HGSNAT: variants seen among roughly 807,000 people sequenced by gnomAD.
The protein encoded by HGSNAT is transmembrane protein 76.
In HGSNAT, 59 loss-of-function variants were observed where a neutral mutation model predicts 85.2. That is an observed-to-expected ratio of 0.69 (90% CI 0.56 to 0.86). The LOEUF is 0.86. Among genes scored for constraint, HGSNAT ranks in the 40% least tolerant of loss-of-function variants. HGSNAT has a pLI of 0.00. For missense variants in HGSNAT, 756 were observed against 777.1 expected, an observed-to-expected ratio of 0.97 and a Z score of 0.32; for synonymous variants, 321 against 304.5, an observed-to-expected ratio of 1.05 and a Z score of -0.56.
rs1803655103 is a variant in HGSNAT at position 43,172,369 on chromosome 8, A to G, written c.803A>G (p.Lys268Arg). ...NYGGGKYWYF[K>R]HASWNGLTVA... ...GGAGGAGGAAAATATTGGTACTTCA[A>G]ACATGCAAGTTGGAATGGTAAGATA... Residue 268 changes from lysine (K) to arginine (R), a missense_variant, in exon 8 of 18, where the codon AAA (lysine) becomes AGA (arginine). By Grantham distance (26) the Lys-to-Arg change is conservative. Coordinates refer to ENST00000379644, the MANE Select transcript of HGSNAT (RefSeq NM_152419.3). The G allele has an allele frequency of 6.2e-7, 1 of 1,607,528 alleles. No homozygotes were observed. Among genetic ancestry groups the G allele is most frequent in the African/African-American group, 1.3e-5 (1 of 74,778 alleles).
At position 43,170,701 on chromosome 8, in the gene HGSNAT, G is replaced by A. The variant is rs750677179; in HGVS notation, c.743+7G>A. 6.4e-7 allele frequency: 1 copy of A among 1,574,286 alleles called. No homozygotes were observed. The highest frequency in any genetic ancestry group is 1.3e-5 in the African/African-American group (1 of 74,138). ...GCGTGGACACCTTCAGGGGGTATGT[G>A]GGCCTCCCTGTAGCACAGTGGGTGC... On this transcript the variant is annotated splice_region_variant and intron_variant, in intron 7 of 17. Coordinates refer to ENST00000379644, the MANE Select transcript of HGSNAT (RefSeq NM_152419.3).
intron 1 of HGSNAT, among the ~76,000 whole-genome samples, chr8:43,140,826 G>T (rs947468924): frequency 5.3e-5 from 8 of 152,070 alleles, no homozygotes; most frequent in Non-Finnish European, 8.8e-5. Context: ...GGAGGCGGGG[G>T]AGGGGGCGGT....
chr8:43,145,311 A>AT (rs1802677335), intron 1 of HGSNAT, among the ~76,000 whole-genome samples: 1 of 152,218 alleles, frequency 6.6e-6, no homozygotes, highest in African/African-American at 2.4e-5. Flanking sequence ...GCCAAAAAAA[A>AT]GCATTCTTTA....
chr8:43,144,612 A>T (rs1802656435), intron 1 of HGSNAT, among the ~76,000 whole-genome samples: 1 of 152,186 alleles, frequency 6.6e-6, no homozygotes, highest in South Asian at 2.1e-4. Flanking sequence ...GGTCCCAAAC[A>T]TCGCTTCCAC....
chr8:43,166,089 G>T (rs554110938), intron 5 of HGSNAT, among the ~76,000 whole-genome samples: 1 of 152,344 alleles, frequency 6.6e-6, no homozygotes, highest in South Asian at 2.1e-4. Flanking sequence ...TAGAGACTAA[G>T]AGAAGTGAGG....
intron 2 of HGSNAT, 100 bp downstream of exon 2, chr8:43,147,163 T>A (rs1254906271): frequency 7.4e-6 from 5 of 679,928 alleles, no homozygotes; most frequent in Non-Finnish European, 1.2e-5. Context: ...TAATTTCAGT[T>A]TTGCAGCTAA....
chr8:43,146,655 T>C (rs1037246027), intron 1 of HGSNAT, among the ~76,000 whole-genome samples: 2 of 152,218 alleles, frequency 1.3e-5, no homozygotes, highest in East Asian at 3.8e-4. Context: ...CACGATCCTT[T>C]GATGCACTAG....
intron 11 of HGSNAT, among the ~76,000 whole-genome samples, chr8:43,188,047 C>T (rs1586746504): frequency 6.6e-6 from 1 of 152,130 alleles, no homozygotes; most frequent in Admixed American, 6.6e-5. Context: ...TATGGGTAAC[C>T]TGACCTTTCT....
intron 6 of HGSNAT, 112 bp from the exon 7 acceptor site, chr8:43,170,473 C>G: frequency 3.0e-6 from 3 of 986,472 alleles, no homozygotes; most frequent in Non-Finnish European, 4.6e-6. Context: ...GAGCGAGACT[C>G]TGTCTCAAAA....
intron 15 of HGSNAT, chr8:43,197,464 A>C: frequency 3.4e-6 from 2 of 588,656 alleles, no homozygotes; most frequent in Non-Finnish European, 6.0e-6. Flanking sequence ...ACCCTCTTCA[A>C]CTCAGTAGAA....
Position 43,150,335 on chromosome 8 carries a change from A to G in HGSNAT, c.234+3272A>G, listed in dbSNP as rs545322138. ...GTATCTTTAAAATATTGCTAAAAAAAGAAGACTGAGCCCTGCGAGGTAGTT... is the reference window on the plus strand; with the variant it reads ...GTATCTTTAAAATATTGCTAAAAAAGGAAGACTGAGCCCTGCGAGGTAGTT... On this transcript the variant is annotated intron_variant, in intron 2 of 17. Coordinates refer to ENST00000379644, the MANE Select transcript of HGSNAT (RefSeq NM_152419.3). Among the ~76,000 whole-genome samples, 7 of 152,292 alleles carry G rather than the reference A, an allele frequency of 4.6e-5. No individual in the cohort carries two copies. In the South Asian group the frequency reaches 1.5e-3, roughly 32 times the overall value.
In HGSNAT at chr8:43,199,612, T is replaced by A. The variant is rs1432883250; in HGVS notation, c.*43T>A. The A allele has an allele frequency of 1.4e-6, 2 of 1,413,694 alleles. No homozygotes were observed. Among genetic ancestry groups the A allele is most frequent in the East Asian group, 4.8e-5 (2 of 42,020 alleles). 87.6% of individuals were successfully genotyped at this position (1,413,694 alleles called of 1,614,324 possible). ...TGCTGCTGGAAGACTCTAGTAGGCC[T>A]GCAGGGAGGACTGAAGCAGCCTTTG... is the stretch of plus-strand genomic sequence containing the variant. On this transcript the variant is annotated 3_prime_UTR_variant, in exon 18 of 18. Transcript: ENST00000379644.
chr8:43,172,135 G>A (rs1803644846), intron 7 of HGSNAT, among the ~76,000 whole-genome samples, 175 bp from the exon 8 acceptor site: 1 of 152,216 alleles, frequency 6.6e-6, no homozygotes, highest in Admixed American at 6.5e-5. Flanking sequence ...TCCTAATTGC[G>A]ATGACTAGAA....
At chr8:43,161,030 G>A (rs530603337) in intron 4 of HGSNAT, among the ~76,000 whole-genome samples, 5 of 152,328 alleles carry the variant, frequency 3.3e-5, no homozygotes, top group Non-Finnish European at 5.9e-5. Flanking sequence ...GAGGCACACA[G>A]TGTCAGGCTG....
intron 1 of HGSNAT, among the ~76,000 whole-genome samples, chr8:43,143,245 TTGGAAAACATG>T (rs1213119433): frequency 6.6e-6 from 1 of 152,208 alleles, no homozygotes; most frequent in Non-Finnish European, 1.5e-5. Context: ...TGGTAAACAT[TTGGAAAACATG>T]TTCAAACTTG....
chr8:43,171,934 C>T (rs760193621), intron 7 of HGSNAT, among the ~76,000 whole-genome samples: 15 of 152,126 alleles, frequency 9.9e-5, no homozygotes, highest in Non-Finnish European at 2.1e-4. Flanking sequence ...ATTCTGAGCT[C>T]GCTGACTCAG....
intron 4 of HGSNAT, among the ~76,000 whole-genome samples, chr8:43,159,335 C>G (rs1372571388): frequency 6.6e-6 from 1 of 152,068 alleles, no homozygotes; most frequent in Non-Finnish European, 1.5e-5. Context: ...TGCTTGTAAT[C>G]CCAGCACTTT....
chr8:43,192,076 A>C (rs538458158), intron 12 of HGSNAT, among the ~76,000 whole-genome samples: 1 of 152,054 alleles, frequency 6.6e-6, no homozygotes, highest in Non-Finnish European at 1.5e-5. Flanking sequence ...TTACAGGCGC[A>C]CACCACCATG....
At chr8:43,140,691 C>A in intron 1 of HGSNAT, 77 bp downstream of exon 1, 1 of 683,498 alleles carries the variant, frequency 1.5e-6, no homozygotes, top group Non-Finnish European at 1.9e-6. Flanking sequence ...CCCCTATCTC[C>A]GTGCGCGGCG....
Sources: allele counts gnomAD v4.1 joint callset (sites outside exome capture counted in the v4.1 genomes callset), GRCh38; gene constraint gnomAD v4.1.1; transcripts MANE v1.5; gene names NCBI Gene and HGNC (gene_info 2026-07-23, HGNC 2026-07-21).